Variants in FAM13C observed in about 807,000 individuals in gnomAD.
The protein encoded by FAM13C is family with sequence similarity 13 member C, also known as protein FAM13C.
Under a neutral mutation model 73.2 loss-of-function variants are expected in FAM13C, and 37 were observed. That is an observed-to-expected ratio of 0.51 (90% CI 0.39 to 0.67). The LOEUF is 0.67. FAM13C is among the 30% of genes least tolerant of loss of function. The pLI is 0.00. For synonymous variants in FAM13C, 246 were observed against 260.9 expected (o/e 0.94, Z 0.55); for missense variants, 589 against 715.6 (o/e 0.82, Z 2.02).
At position 59,247,680 on chromosome 10, in the gene FAM13C, G is replaced by A; in HGVS notation, c.1692C>T (p.His564=). 1 of 1,613,354 alleles carries A rather than the reference G, an allele frequency of 6.2e-7. No individual in the cohort carries two copies. The highest frequency in any genetic ancestry group is 8.5e-7 in the Non-Finnish European group (1 of 1,179,580). The change falls in exon 14 of 14, where the codon CAC becomes CAT. Residue 564 remains histidine (H), a synonymous_variant. Transcript: ENST00000618804. ...PMADEYYEYK[H]IKAKLRLLEV... ...CTAATAGTCTCAGTTTGGCTTTTAT[G>A]TGCTTATATTCATAATACTCATCTG...
intron 4 of FAM13C, among the ~76,000 whole-genome samples, chr10:59,317,977 A>G (rs919071409): frequency 1.3e-5 from 2 of 150,568 alleles, no homozygotes; most frequent in Non-Finnish European, 2.9e-5. Flanking sequence ...AGCCCAATGC[A>G]TCCAGAAGCC....
chr10:59,348,701 T>C (rs1333563898), intron 3 of FAM13C, among the ~76,000 whole-genome samples: 4 of 152,288 alleles, frequency 2.6e-5, no homozygotes, highest in South Asian at 2.1e-4. Flanking sequence ...TGCAGTGGCA[T>C]GATCTTGATT....
intron 8 of FAM13C, 67 bp downstream of exon 8, chr10:59,268,486 C>T (rs906654726): frequency 1.9e-6 from 3 of 1,585,430 alleles, no homozygotes; most frequent in Middle Eastern, 3.5e-4. Context: ...AAAGGAAGGA[C>T]AGAGGCTGAG....
chr10:59,282,973 C>A, intron 6 of FAM13C: 1 of 208,076 alleles, frequency 4.8e-6, no homozygotes, highest in Non-Finnish European at 9.8e-6. Flanking sequence ...GGAAACTTCC[C>A]CATCCTCAAC....
chr10:59,260,427 A>G (rs975784482), intron 10 of FAM13C, among the ~76,000 whole-genome samples: 2 of 152,124 alleles, frequency 1.3e-5, no homozygotes, highest in African/African-American at 4.8e-5. Flanking sequence ...GAGAATTCAA[A>G]GTGCACAACA....
chr10:59,253,440 T>G (rs1283625515), intron 11 of FAM13C, among the ~76,000 whole-genome samples: 1 of 152,162 alleles, frequency 6.6e-6, no homozygotes, highest in East Asian at 1.9e-4. Flanking sequence ...GGGACCAACA[T>G]TCAGATACAG....
Position 59,302,785 on chromosome 10 carries a change from T to A in FAM13C, c.507+16A>T, listed in dbSNP as rs1273406494. 1.2e-6 allele frequency: 2 copies of A among 1,611,868 alleles called. No homozygotes were observed. The highest frequency in any genetic ancestry group is 2.7e-5 in the African/African-American group (2 of 74,898). On this transcript the variant is annotated intron_variant, in intron 5 of 13. Coordinates refer to ENST00000618804, the MANE Select transcript of FAM13C (RefSeq NM_198215.4). ...GGCTAATTCATGTTCTTATAACCAG[T>A]AATGATTGCACGTACCTCATTTAAG...
chr10:59,353,229 C>T (rs968226714), intron 2 of FAM13C, among the ~76,000 whole-genome samples: 3 of 152,104 alleles, frequency 2.0e-5, no homozygotes, highest in South Asian at 2.1e-4. Flanking sequence ...AATATCCCTA[C>T]CCCCCTCCAG....
chr10:59,360,316 T>C (rs564505406), intron 1 of FAM13C, among the ~76,000 whole-genome samples: 1 of 152,196 alleles, frequency 6.6e-6, no homozygotes, highest in South Asian at 2.1e-4. Flanking sequence ...AGAAATCATC[T>C]CTAGGTGAAA....
chr10:59,341,561 T>C (rs1400747210), intron 3 of FAM13C, among the ~76,000 whole-genome samples: 1 of 152,006 alleles, frequency 6.6e-6, no homozygotes, highest in African/African-American at 2.4e-5. Context: ...TGGTGGTGCA[T>C]GCCTGTAATC....
chr10:59,294,190 C>A (rs907354450), intron 5 of FAM13C, among the ~76,000 whole-genome samples: 2 of 152,224 alleles, frequency 1.3e-5, no homozygotes, highest in Non-Finnish European at 2.9e-5. Flanking sequence ...AAAACTACAG[C>A]ACAGGCTGGC....
chr10:59,288,590 T>A (rs1355088870), intron 5 of FAM13C, among the ~76,000 whole-genome samples: 1 of 152,140 alleles, frequency 6.6e-6, no homozygotes, highest in Non-Finnish European at 1.5e-5. Flanking sequence ...TCAAAGGAGA[T>A]CTAGTTGTGT....
At chr10:59,268,002 T>C (rs1318691427) in intron 8 of FAM13C, among the ~76,000 whole-genome samples, 1 of 152,158 alleles carries the variant, frequency 6.6e-6, no homozygotes, top group African/African-American at 2.4e-5. Context: ...GCATGAAAAC[T>C]AGTGTCTCTC....
At chr10:59,303,006 C>T in intron 4 of FAM13C, 142 bp from the exon 5 acceptor site, 1 of 683,186 alleles carries the variant, frequency 1.5e-6, no homozygotes, top group Admixed American at 2.7e-5. Flanking sequence ...AAAATACAGA[C>T]TCCTTACAAT....
At chr10:59,328,689 G>T (rs1052480218) in intron 3 of FAM13C, among the ~76,000 whole-genome samples, 1 of 152,012 alleles carries the variant, frequency 6.6e-6, no homozygotes, top group Admixed American at 6.6e-5. Flanking sequence ...TTTTCTCTGT[G>T]TCCACTCTCC....
chr10:59,298,551 G>T (rs541410464), intron 5 of FAM13C, among the ~76,000 whole-genome samples: 1 of 152,096 alleles, frequency 6.6e-6, no homozygotes, highest in Non-Finnish European at 1.5e-5. Flanking sequence ...AAGGCCCATG[G>T]TGACCCAGAG....
chr10:59,305,465 C>A (rs1848148664), intron 4 of FAM13C, among the ~76,000 whole-genome samples: 1 of 152,136 alleles, frequency 6.6e-6, no homozygotes, highest in Admixed American at 6.5e-5. Flanking sequence ...AAAAAGATTT[C>A]TTTGGGGACC....
At chr10:59,317,229 G>A (rs181022752) in intron 4 of FAM13C, among the ~76,000 whole-genome samples, 320 of 151,966 alleles carry the variant, frequency 2.1e-3, no homozygotes, top group African/African-American at 7.2e-3. Context: ...GAGTAGCCAC[G>A]ACTTCATTGG....
intron 3 of FAM13C, among the ~76,000 whole-genome samples, chr10:59,339,181 A>C (rs560896121): frequency 6.6e-6 from 1 of 151,962 alleles, no homozygotes; most frequent in Non-Finnish European, 1.5e-5. Context: ...TTTAGGACTC[A>C]CCCTAAATAT....
Sources: gnomAD v4.1 joint callset for allele counts (sites outside exome capture counted in the v4.1 genomes callset) on GRCh38, gnomAD v4.1.1 for gene constraint, MANE v1.5 for transcripts, NCBI Gene and HGNC (gene_info 2026-07-23, HGNC 2026-07-21) for gene names.